TNRC6B: variants seen among roughly 807,000 people sequenced by gnomAD.
TNRC6B encodes the protein trinucleotide repeat-containing gene 6B protein.
Under a neutral mutation model 203.6 loss-of-function variants are expected in TNRC6B, and 52 were observed. The observed-to-expected ratio is 0.26, with a 90% CI of 0.20 to 0.32. TNRC6B has a LOEUF of 0.32. TNRC6B is among the 10% of genes least tolerant of loss of function. The pLI is 1.00. For missense variants in TNRC6B, 1,923 were observed against 2,286.2 expected (o/e 0.84, Z 3.24); for synonymous variants, 838 against 845.7 (o/e 0.99, Z 0.16).
rs59067007 is a variant in TNRC6B at position 40,200,278 on chromosome 22, C to CTTTTTT, written c.5+22157_5+22162dup. On this transcript the variant is annotated intron_variant, in intron 1 of 22. Coordinates refer to ENST00000454349, the MANE Select transcript of TNRC6B (RefSeq NM_001162501.2). ...TTAAAATAATTTAAAAAGTAATATT[C>CTTTTTT]TTTTTTTTTTTTTTTTTTTTTTTTG... Among the ~76,000 whole-genome samples the CTTTTTT allele has an allele frequency of 3.5e-3, 266 of 75,516 alleles. 30 individuals carry two copies. The highest frequency in any genetic ancestry group is 4.0e-3 in the African/African-American group (76 of 18,856). 49.5% of individuals were successfully genotyped at this position (75,516 alleles called of 152,430 possible). A position where few individuals can be genotyped will look rare whatever the true frequency, so the allele number is the denominator to read the frequency against.
At chr22:40,075,156 A>ATATATATATATATT in intron 1 of TNRC6B, among the ~76,000 whole-genome samples, 3 of 35,558 alleles carry the variant, frequency 8.4e-5, no homozygotes, top group African/African-American at 1.0e-4. Context: ...ATATATATAT[A>ATATATATATATATT]TTTTTTTTTT....
intron 1 of TNRC6B, among the ~76,000 whole-genome samples, chr22:40,242,694 T>C (rs962255723): frequency 6.6e-6 from 1 of 152,056 alleles, no homozygotes; most frequent in Non-Finnish European, 1.5e-5. Flanking sequence ...CCTCCCAAAG[T>C]GCTGGAATTA....
At chr22:40,250,810 A>G (rs1302605272) in intron 2 of TNRC6B, among the ~76,000 whole-genome samples, 1 of 151,972 alleles carries the variant, frequency 6.6e-6, no homozygotes, top group Non-Finnish European at 1.5e-5. Context: ...CTCATAGGGG[A>G]ATCTTTTTGT....
chr22:40,211,715 G>T (rs1248821170), intron 1 of TNRC6B, among the ~76,000 whole-genome samples: 1 of 152,192 alleles, frequency 6.6e-6, no homozygotes, highest in Non-Finnish European at 1.5e-5. Context: ...CGGGACAGCA[G>T]AAGGGTGTCT....
In TNRC6B at chr22:40,074,930, C is replaced by T. The variant is rs530460887; in HGVS notation, c.-121+29932C>T. On this transcript the variant is annotated intron_variant, in intron 1 of 23. Transcript: ENST00000301923. ...CCGTGGTTGTACCACTGCACTCCAGCGTAGGCAACAGAGCGAGACCTTGTC... is the reference window on the plus strand; with the variant it reads ...CCGTGGTTGTACCACTGCACTCCAGTGTAGGCAACAGAGCGAGACCTTGTC... Among the ~76,000 whole-genome samples, 367 of 152,020 alleles carry T rather than the reference C, an allele frequency of 2.4e-3. 4 individuals carry two copies. Among genetic ancestry groups the T allele is most frequent in the African/African-American group, 8.2e-3 (340 of 41,432 alleles).
At chr22:40,085,854 T>C (rs867319728) in intron 1 of TNRC6B, among the ~76,000 whole-genome samples, 9 of 142,364 alleles carry the variant, frequency 6.3e-5, no homozygotes, top group African/African-American at 2.0e-4. Flanking sequence ...GTTGCTGTTG[T>C]TGTTGTTGTT....
chr22:40,272,695 C>T (rs2070580833), intron 6 of TNRC6B, among the ~76,000 whole-genome samples: 1 of 152,188 alleles, frequency 6.6e-6, no homozygotes, highest in African/African-American at 2.4e-5. Flanking sequence ...ATACTGATGT[C>T]CCACTTCCTC....
chr22:40,321,167 C>T lies in TNRC6B; in HGVS notation c.5052C>T (p.Gly1684=). 3 of 1,613,994 alleles carry T rather than the reference C, an allele frequency of 1.9e-6. No individual in the cohort carries two copies. Among genetic ancestry groups the T allele is most frequent in the Non-Finnish European group, 2.5e-6 (3 of 1,179,896 alleles). ...LLTFHLNLTQ[G]TALIRYSTKQ... is the part of the protein sequence containing the mutation. ...CATTCCATCTGAATCTAACCCAGGG[C>T]ACTGCCCTGATCCGATACAGCACCA... Residue 1684 remains glycine (G), a synonymous_variant, in exon 22 of 23, where the codon GGC becomes GGT. Coordinates refer to ENST00000454349, the MANE Select transcript of TNRC6B (RefSeq NM_001162501.2).
chr22:40,246,312 C>T lies in TNRC6B; in HGVS notation c.93+210C>T. On this transcript the variant is annotated intron_variant, in intron 2 of 22. Transcript: ENST00000454349. ...TTAAGCGATGCTCCTCTCTCAGCCT[C>T]CTGAGTAGCTGGGATTACAGGTGCA... The T allele has an allele frequency of 1.2e-5, 4 of 324,614 alleles. No individual in the cohort carries two copies. The South Asian group carries it at 1.5e-4, about 12-fold the overall frequency. The allele number at this position is 324,614 out of a possible 1,614,324, so 20.1% of individuals were successfully genotyped here. A position where few individuals can be genotyped will look rare whatever the true frequency, so the allele number is the denominator to read the frequency against.
intron 1 of TNRC6B, among the ~76,000 whole-genome samples, chr22:40,222,890 C>T (rs1261663428): frequency 1.3e-5 from 2 of 151,068 alleles, no homozygotes; most frequent in East Asian, 2.0e-4. Flanking sequence ...GGACTACAGG[C>T]GTGCACCACC....
intron 1 of TNRC6B, among the ~76,000 whole-genome samples, chr22:40,082,775 C>T (rs980216351): frequency 1.3e-5 from 2 of 152,020 alleles, no homozygotes; most frequent in Non-Finnish European, 1.5e-5. Flanking sequence ...TGGGACTTCC[C>T]GGTGGATTAG....
In TNRC6B at chr22:40,231,776, A is replaced by G. The variant is rs571127771; in HGVS notation, c.6-14239A>G. ...ATTATTGTTGATGAAATTAGAGTGC[A>G]TATTCCTAGAGGAGCAGTCATGTCA... is the stretch of plus-strand genomic sequence containing the variant. On this transcript the variant is annotated intron_variant, in intron 1 of 22. Coordinates refer to ENST00000454349, the MANE Select transcript of TNRC6B (RefSeq NM_001162501.2). Among the ~76,000 whole-genome samples, 6 of 152,352 alleles carry G rather than the reference A, an allele frequency of 3.9e-5. No individual in the cohort carries two copies. In the East Asian group the frequency reaches 1.2e-3, roughly 29 times the overall value.
chr22:40,283,025 A>ATTTT (rs2070737392), intron 11 of TNRC6B, among the ~76,000 whole-genome samples: 1 of 150,166 alleles, frequency 6.7e-6, no homozygotes, highest in South Asian at 2.1e-4. Context: ...TTCATTTTTT[A>ATTTT]TTTTTTATTT....
At chr22:40,300,299 C>A (rs1376018387) in intron 12 of TNRC6B, among the ~76,000 whole-genome samples, 156 bp from the exon 13 acceptor site, 1 of 152,086 alleles carries the variant, frequency 6.6e-6, no homozygotes, top group East Asian at 1.9e-4. Flanking sequence ...TCATTGTTAA[C>A]CCTTGAGTGT....
intron 12 of TNRC6B, among the ~76,000 whole-genome samples, chr22:40,291,931 G>T (rs534772402): frequency 2.4e-4 from 36 of 152,328 alleles, no homozygotes; most frequent in African/African-American, 6.5e-4. Context: ...AGTGGCCCAT[G>T]CCTGTAATCC....
intron 1 of TNRC6B, among the ~76,000 whole-genome samples, chr22:40,238,228 C>G (rs1330891084): frequency 1.3e-5 from 2 of 152,094 alleles, no homozygotes; most frequent in Non-Finnish European, 2.9e-5. Context: ...CAAACGCACA[C>G]ACACTCGACT....
rs920602103 is a variant in TNRC6B at position 40,327,487 on chromosome 22, T to A, written c.*4246T>A. The A allele has an allele frequency of 6.6e-6, 1 of 152,340 alleles. No homozygotes were observed. Among genetic ancestry groups the A allele is most frequent in the Non-Finnish European group, 1.5e-5 (1 of 68,120 alleles). 9.4% of individuals were successfully genotyped at this position (152,340 alleles called of 1,614,324 possible). On this transcript the variant is annotated 3_prime_UTR_variant, in exon 23 of 23. Transcript: ENST00000454349. ...ACTGCAGTGATTTGGAAAGTCTCTTTGTCTTGGGCAAATAGAAGGGGTTCC... is the reference window on the plus strand; with the variant it reads ...ACTGCAGTGATTTGGAAAGTCTCTTAGTCTTGGGCAAATAGAAGGGGTTCC...
At position 40,329,461 on chromosome 22, in the gene TNRC6B, G is replaced by T. The variant is rs2095866572; in HGVS notation, c.*6220G>T. On this transcript the variant is annotated 3_prime_UTR_variant, in exon 23 of 23. Coordinates refer to ENST00000454349, the MANE Select transcript of TNRC6B (RefSeq NM_001162501.2). ...TTTTTTTCTTAAGTTTGACAAAGGG[G>T]GTGGTAATATCACATTCTTTAGATT... 1 of 152,032 alleles carries T rather than the reference G, an allele frequency of 6.6e-6. No individual in the cohort carries two copies. Among genetic ancestry groups the T allele is most frequent in the Non-Finnish European group, 1.5e-5 (1 of 67,988 alleles). 9.4% of individuals were successfully genotyped at this position (152,032 alleles called of 1,614,324 possible). A position where few individuals can be genotyped will look rare whatever the true frequency, so the allele number is the denominator to read the frequency against.
intron 1 of TNRC6B, among the ~76,000 whole-genome samples, chr22:40,101,243 C>T (rs980191517): frequency 5.9e-5 from 9 of 152,128 alleles, no homozygotes; most frequent in Admixed American, 3.3e-4. Flanking sequence ...CCGCCCACCT[C>T]GGTCTCCCAA....
Sources: gnomAD v4.1 joint callset for allele counts (sites outside exome capture counted in the v4.1 genomes callset) on GRCh38, gnomAD v4.1.1 for gene constraint, MANE v1.5 for transcripts, NCBI Gene and HGNC (gene_info 2026-07-23, HGNC 2026-07-21) for gene names.